Variants in RAD51AP1 observed in about 807,000 individuals in gnomAD.
The protein encoded by RAD51AP1 is RAD51 associated protein 1, also known as RAD51-associated protein 1.
A neutral mutation model predicts 34.3 loss-of-function variants in RAD51AP1; 14 were observed. The observed-to-expected ratio is 0.41, with a 90% confidence interval of 0.27 to 0.64. The LOEUF is 0.64. RAD51AP1 is among the 30% of genes least tolerant of loss of function. The pLI is 0.33. For missense variants in RAD51AP1, 348 were observed against 386.9 expected (o/e 0.90, Z 0.84); for synonymous variants, 114 against 129.8 (o/e 0.88, Z 0.83).
chr12:4,541,352 C>T (rs915716303), intron 1 of RAD51AP1, among the ~76,000 whole-genome samples: 1 of 151,958 alleles, frequency 6.6e-6, no homozygotes, highest in African/African-American at 2.4e-5. Context: ...TTTAAGTGTC[C>T]GTTGCATAAA....
At chr12:4,538,981 G>C in intron 1 of RAD51AP1, 25 bp downstream of exon 1, 1 of 1,610,438 alleles carries the variant, frequency 6.2e-7, no homozygotes, top group Non-Finnish European at 8.5e-7. Flanking sequence ...ACATTCGTCG[G>C]GGGTGGGAGG....
chr12:4,540,448 A>C (rs1008408301), intron 1 of RAD51AP1, among the ~76,000 whole-genome samples: 3 of 152,038 alleles, frequency 2.0e-5, no homozygotes, highest in African/African-American at 7.2e-5. Context: ...TGTCATTTGC[A>C]CTGCAGTGAC....
chr12:4,559,007 G>C lies in RAD51AP1; in HGVS notation c.*14G>C. On this transcript the variant is annotated 3_prime_UTR_variant, in exon 9 of 9. Transcript: ENST00000352618. ...ACTAGCACCTGAGTGTGGTACAGGA[G>C]GAATGTTTGGTTGGGAGAATCACAG... The C allele has an allele frequency of 6.2e-7, 1 of 1,612,506 alleles. No individual in the cohort carries two copies. The highest frequency in any genetic ancestry group is 8.5e-7 in the Non-Finnish European group (1 of 1,179,240).
At chr12:4,541,353 G>T (rs760230254) in intron 1 of RAD51AP1, among the ~76,000 whole-genome samples, 1 of 152,096 alleles carries the variant, frequency 6.6e-6, no homozygotes, top group Admixed American at 6.6e-5. Context: ...TTAAGTGTCC[G>T]TTGCATAAAA....
In RAD51AP1 at chr12:4,558,721, A is replaced by G. The variant is rs71459908; in HGVS notation, c.872-136A>G. On this transcript the variant is annotated intron_variant, in intron 8 of 8. Transcript: ENST00000352618. Reference sequence around the variant, plus strand: ...CTCTTTAGAACATTCTGTTCTTTTGATCTAGTTTATTGCTTGATAGACACT... The same window carrying G: ...CTCTTTAGAACATTCTGTTCTTTTGGTCTAGTTTATTGCTTGATAGACACT... The G allele has an allele frequency of 5.1e-5, 51 of 1,006,218 alleles. No individual in the cohort carries two copies. In the African/African-American group the frequency reaches 7.9e-4, roughly 16 times the overall value. The allele number at this position is 1,006,218 out of a possible 1,614,324, so 62.3% of individuals were successfully genotyped here.
chr12:4,548,762 C>T lies in RAD51AP1; in HGVS notation c.482C>T (p.Ala161Val), dbSNP rs1327201605. The change falls in exon 6 of 9, where the codon GCA (alanine) becomes GTA (valine). Residue 161 changes from alanine to valine, a missense_variant. Ala to Val is a moderately conservative substitution (Grantham distance 64). Coordinates refer to ENST00000352618, the MANE Select transcript of RAD51AP1 (RefSeq NM_006479.5). ...AGAAAAGCAGCATCTAAAGCTGCAG[C>T]ACAGCAGAGGAAGATTCTTCTGGAA... ...GKRKAASKAA[A>V]QQRKILLEGS... 6.2e-7 allele frequency: 1 copy of T among 1,613,984 alleles called. No individual in the cohort carries two copies. The highest frequency in any genetic ancestry group is 8.5e-7 in the Non-Finnish European group (1 of 1,179,888).
In RAD51AP1 at chr12:4,539,321, A is replaced by G. The variant is rs567854923; in HGVS notation, c.17+365A>G. ...CCTGTTGTATTGATTTAACATTTCT[A>G]CGTATAGAGGGTAAGTTATCTGAGT... On this transcript the variant is annotated intron_variant, in intron 1 of 8. Coordinates refer to ENST00000352618, the MANE Select transcript of RAD51AP1 (RefSeq NM_006479.5). Among the ~76,000 whole-genome samples, 57 of 152,300 alleles carry G rather than the reference A, an allele frequency of 3.7e-4. No individual in the cohort carries two copies. In the South Asian group the frequency reaches 6.0e-3, roughly 16 times the overall value.
intron 7 of RAD51AP1, among the ~76,000 whole-genome samples, chr12:4,554,996 C>G (rs1944572377): frequency 6.6e-6 from 1 of 152,116 alleles, no homozygotes. Context: ...CAGCACAAAA[C>G]ACAAAACATT....
intron 3 of RAD51AP1, among the ~76,000 whole-genome samples, chr12:4,544,638 A>T (rs193069772): frequency 6.6e-6 from 1 of 152,196 alleles, no homozygotes; most frequent in East Asian, 1.9e-4. Flanking sequence ...TTTTAAATAT[A>T]TAGAAAAAGG....
chr12:4,547,945 A>G (rs1591772299), intron 4 of RAD51AP1, 147 bp from the exon 5 acceptor site: 1 of 822,560 alleles, frequency 1.2e-6, no homozygotes, highest in East Asian at 3.2e-5. Context: ...ACCATATGTT[A>G]ACCTCTCTGA....
intron 3 of RAD51AP1, 90 bp from the exon 4 acceptor site, chr12:4,546,217 CTT>C (rs1228483129): frequency 4.2e-6 from 4 of 961,804 alleles, no homozygotes; most frequent in Non-Finnish European, 4.8e-6. Flanking sequence ...GTTAGCAACT[CTT>C]GAATAGTAAT....
In RAD51AP1 at chr12:4,559,301, C is replaced by A; in HGVS notation, c.*308C>A. On this transcript the variant is annotated 3_prime_UTR_variant, in exon 9 of 9. Transcript: ENST00000352618. ...TTTTCTAGTTACATGATGTGCCTTT[C>A]TAGCTTTGTCTAGTTTATAGCACCT... 1 of 204,278 alleles carries A rather than the reference C, an allele frequency of 4.9e-6. No individual in the cohort carries two copies. The highest frequency in any genetic ancestry group is 1.4e-4 in the South Asian group (1 of 6,920). 12.7% of individuals were successfully genotyped at this position (204,278 alleles called of 1,614,324 possible).
intron 3 of RAD51AP1, among the ~76,000 whole-genome samples, 196 bp downstream of exon 3, chr12:4,544,100 T>C (rs570553798): frequency 4.9e-4 from 74 of 152,306 alleles, no homozygotes; most frequent in Middle Eastern, 3.4e-3. Flanking sequence ...TTCAAGGAAG[T>C]ATCATTAAAT....
rs1591775277 is a variant in RAD51AP1, at chr12:4,554,457, C to G, written c.721+1310C>G. On this transcript the variant is annotated intron_variant, in intron 7 of 8. Transcript: ENST00000352618. ...GTTCTGGCAATGACGATGTAGACAT[C>G]TGAGGAGCCAGTATTCTGCCTACTA... 5.9e-5 allele frequency among the ~76,000 whole-genome samples: 9 copies of G among 152,316 alleles called. 1 individual carries two copies. Among genetic ancestry groups the G allele is most frequent in the Admixed American group, 5.9e-4 (9 of 15,294 alleles).
intron 6 of RAD51AP1, among the ~76,000 whole-genome samples, chr12:4,549,168 G>A (rs1361290563): frequency 4.6e-5 from 7 of 152,170 alleles, no homozygotes; most frequent in Admixed American, 3.3e-4. Flanking sequence ...GAAGAGGCTC[G>A]AGAGGGAGGC....
chr12:4,543,232 G>C (rs1425874358), intron 2 of RAD51AP1, among the ~76,000 whole-genome samples: 1 of 152,054 alleles, frequency 6.6e-6, no homozygotes, highest in African/African-American at 2.4e-5. Flanking sequence ...GCTAATTTTT[G>C]TATTTTTTAG....
intron 6 of RAD51AP1, among the ~76,000 whole-genome samples, 161 bp from the exon 7 acceptor site, chr12:4,552,822 A>T (rs1216484186): frequency 6.6e-6 from 1 of 152,206 alleles, no homozygotes; most frequent in African/African-American, 2.4e-5. Context: ...CTGTCTGAGG[A>T]TGCAAACCCA....
intron 4 of RAD51AP1, among the ~76,000 whole-genome samples, chr12:4,546,837 T>C (rs907826189): frequency 1.3e-5 from 2 of 152,242 alleles, no homozygotes; most frequent in Admixed American, 6.5e-5. Flanking sequence ...GCAAGTTCAG[T>C]AGACTTAAGA....
chr12:4,559,016 G>C lies in RAD51AP1; in HGVS notation c.*23G>C. The C allele has an allele frequency of 6.2e-7, 1 of 1,610,562 alleles. No homozygotes were observed. Among genetic ancestry groups the C allele is most frequent in the Admixed American group, 1.7e-5 (1 of 59,712 alleles). On this transcript the variant is annotated 3_prime_UTR_variant, in exon 9 of 9. Coordinates refer to ENST00000352618, the MANE Select transcript of RAD51AP1 (RefSeq NM_006479.5). ...TGAGTGTGGTACAGGAGGAATGTTTGGTTGGGAGAATCACAGCTTTACAAG... is the reference window on the plus strand; with the variant it reads ...TGAGTGTGGTACAGGAGGAATGTTTCGTTGGGAGAATCACAGCTTTACAAG...
Sources: allele counts gnomAD v4.1 joint callset (sites outside exome capture counted in the v4.1 genomes callset), GRCh38; gene constraint gnomAD v4.1.1; transcripts MANE v1.5; gene names NCBI Gene and HGNC (gene_info 2026-07-23, HGNC 2026-07-21).